The following PPFIA1 variants were observed in gnomAD, a reference collection of about 807,000 sequenced individuals.
PPFIA1 encodes PPFI scaffold protein A1, also known as liprin-alpha-1.
PPFIA1 carries 25 observed loss-of-function variants against 149.9 expected under a neutral mutation model. The ratio of observed to expected loss-of-function variants is 0.17; its 90% confidence interval spans 0.12 to 0.23. PPFIA1 has a LOEUF of 0.23. Ranked by LOEUF, PPFIA1 falls within the 10% of genes least tolerant of loss-of-function variation. PPFIA1 has a pLI of 1.00. For synonymous variants in PPFIA1, 549 were observed against 552.8 expected (o/e 0.99, Z 0.10); for missense variants, 1,362 against 1,506.5 (o/e 0.90, Z 1.59).
intron 2 of PPFIA1, chr11:70,283,917 G>A (rs758739743): frequency 4.1e-6 from 2 of 482,558 alleles, no homozygotes; most frequent in Non-Finnish European, 8.6e-6. Flanking sequence ...GGCCCCAAAT[G>A]TTGGAAGTGT....
At chr11:70,365,469 G>A (rs1228563286) in intron 21 of PPFIA1, 1 of 456,422 alleles carries the variant, frequency 2.2e-6, no homozygotes, top group African/African-American at 2.0e-5. Flanking sequence ...ACTCCTCCCA[G>A]CGCGTTTTCC....
intron 2 of PPFIA1, among the ~76,000 whole-genome samples, chr11:70,312,144 G>A (rs1460505594): frequency 1.3e-5 from 2 of 151,724 alleles, no homozygotes; most frequent in Non-Finnish European, 2.9e-5. Flanking sequence ...ACTCCTGGCC[G>A]TGAATTAGCA....
chr11:70,374,673 A>T, intron 23 of PPFIA1: 1 of 435,220 alleles, frequency 2.3e-6, no homozygotes, highest in Non-Finnish European at 4.0e-6. Flanking sequence ...TAATAACTTC[A>T]TTCCTCTCGT....
chr11:70,376,681 A>C (rs968665136), intron 25 of PPFIA1, 81 bp downstream of exon 25: 4 of 1,195,634 alleles, frequency 3.3e-6, no homozygotes, highest in Non-Finnish European at 5.0e-6. Context: ...AGCTGTTATT[A>C]TTATTATACT....
chr11:70,309,375 G>A (rs1303611796), intron 2 of PPFIA1, among the ~76,000 whole-genome samples: 1 of 152,164 alleles, frequency 6.6e-6, no homozygotes, highest in Admixed American at 6.5e-5. Context: ...CTCCATGTCA[G>A]TCAAGCTGGT....
chr11:70,300,988 G>A (rs1221625677), intron 2 of PPFIA1, among the ~76,000 whole-genome samples: 1 of 152,150 alleles, frequency 6.6e-6, no homozygotes, highest in African/African-American at 2.4e-5. Flanking sequence ...GGTTTACTGT[G>A]TAAACAGGCC....
intron 2 of PPFIA1, among the ~76,000 whole-genome samples, chr11:70,296,983 G>T (rs2052095064): frequency 6.6e-6 from 1 of 152,096 alleles, no homozygotes; most frequent in Non-Finnish European, 1.5e-5. Context: ...AGAGAGCCTG[G>T]TATTTAATAA....
At chr11:70,364,572 G>GTTTTATTTA (rs1300415315) in intron 21 of PPFIA1, 11 of 152,132 alleles carry the variant, frequency 7.2e-5, no homozygotes, top group African/African-American at 2.7e-4. Flanking sequence ...GGTTTTACTT[G>GTTTTATTTA]TTTTATTTAT....
rs2055165098 is a variant in PPFIA1 at position 70,339,274 on chromosome 11, C to T, written c.1675C>T (p.Arg559Trp). 2 of 1,613,918 alleles carry T rather than the reference C, an allele frequency of 1.2e-6. No individual in the cohort carries two copies. Among genetic ancestry groups the T allele is most frequent in the Non-Finnish European group, 1.7e-6 (2 of 1,179,936 alleles). ...SAVLRRPQKG[R>W]LAALRDEPSK... is the part of the protein sequence containing the mutation. ...AGTGCTGCGGCGCCCACAGAAAGGC[C>T]GGCTGGCAGCCCTGCGAGATGAGCC... The change falls in exon 14 of 28, where the codon CGG becomes TGG. Residue 559 changes from arginine (R) to tryptophan (W), a missense_variant. Around this residue, in one of 7 missense-constraint regions of PPFIA1, gnomAD observed 733 missense variants for 744.1 expected, o/e 0.99. Coordinates refer to ENST00000253925, the MANE Select transcript of PPFIA1 (RefSeq NM_003626.5).
chr11:70,337,059 A>G lies in PPFIA1; in HGVS notation c.1429-306A>G, dbSNP rs750070191. Reference sequence around the variant, plus strand: ...TTAAATTCAGGTTTCCCAAGTGACCAAGAAATTGTAAAGCCTAAAAGTTAG... The same window carrying G: ...TTAAATTCAGGTTTCCCAAGTGACCGAGAAATTGTAAAGCCTAAAAGTTAG... On this transcript the variant is annotated intron_variant, in intron 11 of 27. Transcript: ENST00000253925. Among the ~76,000 whole-genome samples the G allele has an allele frequency of 4.7e-4, 72 of 152,358 alleles. 1 individual carries two copies. The highest frequency in any genetic ancestry group is 4.9e-4 in the Non-Finnish European group (33 of 68,034).
intron 21 of PPFIA1, among the ~76,000 whole-genome samples, chr11:70,369,923 A>T (rs1591371763): frequency 6.7e-6 from 1 of 149,340 alleles, no homozygotes. Context: ...CGACATGGCC[A>T]CCATGCCTGG....
chr11:70,324,942 G>A lies in PPFIA1; in HGVS notation c.462G>A (p.Val154=), dbSNP rs1451991688. Residue 154 remains valine, a synonymous_variant, in exon 4 of 28, where the codon GTG becomes GTA. Coordinates refer to ENST00000253925, the MANE Select transcript of PPFIA1 (RefSeq NM_003626.5). ...GACAAGCGCAGTCTCCAGCAGGCGT[G>A]TCCAGCGAAGTGGAAGTGCTGAAAG... ...VKRQAQSPAG[V]SSEVEVLKAL... The A allele has an allele frequency of 5.0e-6, 8 of 1,614,014 alleles. No individual in the cohort carries two copies. The African/African-American group carries it at 1.1e-4, about 22-fold the overall frequency.
chr11:70,383,145 G>A lies in PPFIA1; in HGVS notation c.*155G>A, dbSNP rs2135513765. On this transcript the variant is annotated 3_prime_UTR_variant, in exon 28 of 28. Transcript: ENST00000253925. Reference sequence around the variant, plus strand: ...TTTTATTACAGAGTTTTTAATTAGTGAAAAATTCATGAATACCATAGAGAA... The same window carrying A: ...TTTTATTACAGAGTTTTTAATTAGTAAAAAATTCATGAATACCATAGAGAA... 2.8e-6 allele frequency: 1 copy of A among 363,052 alleles called. No homozygotes were observed. Among genetic ancestry groups the A allele is most frequent in the Admixed American group, 5.1e-5 (1 of 19,462 alleles). The allele number at this position is 363,052 out of a possible 1,614,324, so 22.5% of individuals were successfully genotyped here.
At chr11:70,278,914 A>C in intron 2 of PPFIA1, 2 of 593,250 alleles carry the variant, frequency 3.4e-6, no homozygotes, top group Non-Finnish European at 6.5e-6. Context: ...GGCAGCCTTT[A>C]GACAGTCTGC....
At position 70,375,064 on chromosome 11, in the gene PPFIA1, C is replaced by T. The variant is rs2057427142; in HGVS notation, c.3286C>T (p.Leu1096=). The T allele has an allele frequency of 1.2e-6, 2 of 1,612,402 alleles. No homozygotes were observed. Among genetic ancestry groups the T allele is most frequent in the Admixed American group, 1.7e-5 (1 of 59,426 alleles). The change falls in exon 24 of 28, where the codon CTG becomes TTG. Residue 1096 remains leucine (L), a synonymous_variant. Coordinates refer to ENST00000253925, the MANE Select transcript of PPFIA1 (RefSeq NM_003626.5). ...ETFDFSALAL[L]LQIPTQNTQA... Reference sequence around the variant, plus strand: ...CTTCGACTTCAGTGCACTGGCACTGCTGTTACAGATCCCGACGCAGAACAC... The same window carrying T: ...CTTCGACTTCAGTGCACTGGCACTGTTGTTACAGATCCCGACGCAGAACAC...
intron 21 of PPFIA1, among the ~76,000 whole-genome samples, chr11:70,364,050 CCCTT>C (rs2056798231): frequency 6.6e-6 from 1 of 152,182 alleles, no homozygotes; most frequent in East Asian, 1.9e-4. Flanking sequence ...TTCTAATCCT[CCCTT>C]CCCCATCATT....
intron 16 of PPFIA1, chr11:70,351,057 T>A: frequency 4.4e-6 from 5 of 1,138,718 alleles, no homozygotes; most frequent in Non-Finnish European, 5.8e-6. Flanking sequence ...TATCTTTGTA[T>A]CTCCATAATG....
intron 2 of PPFIA1, among the ~76,000 whole-genome samples, chr11:70,319,092 C>T (rs1443113716): frequency 6.6e-6 from 1 of 152,254 alleles, no homozygotes; most frequent in African/African-American, 2.4e-5. Flanking sequence ...TTTACACCTT[C>T]CCTTCAAAAC....
Position 70,332,642 on chromosome 11 carries a change from C to A in PPFIA1, c.1212+548C>A, listed in dbSNP as rs145823482. ...GCAAGACACAGTCCCTCCAAGTTCT[C>A]CCCATTCATGAGGGAAGCAGCTAAA... is the stretch of plus-strand genomic sequence containing the variant. On this transcript the variant is annotated intron_variant, in intron 9 of 27. Coordinates refer to ENST00000253925, the MANE Select transcript of PPFIA1 (RefSeq NM_003626.5). Among the ~76,000 whole-genome samples the A allele has an allele frequency of 3.9e-4, 59 of 152,360 alleles. No homozygotes were observed. In the Middle Eastern group the frequency reaches 0.017, roughly 44 times the overall value.
Sources: allele counts gnomAD v4.1 joint callset (sites outside exome capture counted in the v4.1 genomes callset), GRCh38; gene constraint gnomAD v4.1.1; regional missense constraint gnomAD v4.1.1; transcripts MANE v1.5; gene names NCBI Gene and HGNC (gene_info 2026-07-23, HGNC 2026-07-21).